UGGT2: variants seen among roughly 807,000 people sequenced by gnomAD.
UGGT2 encodes UDP-glucose glycoprotein glucosyltransferase 2.
In UGGT2, 180 loss-of-function variants were observed where a neutral mutation model predicts 192.1. The observed-to-expected ratio is 0.94, with a 90% confidence interval of 0.83 to 1.06. The LOEUF (loss-of-function observed/expected upper bound fraction) is 1.06. Ranked by LOEUF, UGGT2 falls within the 50% of genes least tolerant of loss-of-function variation. The probability of loss-of-function intolerance (pLI) is 0.00; values close to 1 mark genes in which losing one functional copy is unlikely to be tolerated. For synonymous variants in UGGT2, 580 were observed against 591.0 expected, an observed-to-expected ratio of 0.98 and a Z score of 0.27; for missense variants, 1,849 against 1,795.7, an observed-to-expected ratio of 1.03 and a Z score of -0.54.
At chr13:95,931,723 C>T (rs1282255271) in intron 17 of UGGT2, among the ~76,000 whole-genome samples, 1 of 152,142 alleles carries the variant, frequency 6.6e-6, no homozygotes, top group Non-Finnish European at 1.5e-5. Flanking sequence ...CAGCGCCCGC[C>T]GGCCTGAGTG....
At chr13:95,865,143 T>C (rs1446441731) in intron 30 of UGGT2, among the ~76,000 whole-genome samples, 2 of 152,198 alleles carry the variant, frequency 1.3e-5, no homozygotes, top group Admixed American at 6.6e-5. Context: ...TTGTGGACTC[T>C]TTTGACATGA....
In UGGT2 at chr13:95,874,373, CATT is replaced by C. The variant is rs142961816; in HGVS notation, c.3473+2903_3473+2905del. ...GCACAATACTCTTGCCTTTTGTGGT[CATT>C]ATTAAGTAAAACGAGGGTTACCTGA... On this transcript the variant is annotated intron_variant, in intron 29 of 38. Transcript: ENST00000376747. 5.6e-4 allele frequency among the ~76,000 whole-genome samples: 85 copies of C among 152,186 alleles called. 3 individuals are homozygous for C. In the East Asian group the frequency reaches 0.016, roughly 29 times the overall value.
At chr13:95,987,835 G>GC (rs527595853) in intron 8 of UGGT2, among the ~76,000 whole-genome samples, 84 of 152,110 alleles carry the variant, frequency 5.5e-4, no homozygotes, top group East Asian at 4.5e-3. Context: ...TACTTTGTTT[G>GC]CCCCCCGCAT....
chr13:95,838,524 C>T (rs553858241), intron 36 of UGGT2, among the ~76,000 whole-genome samples: 2 of 152,080 alleles, frequency 1.3e-5, no homozygotes, highest in African/African-American at 4.8e-5. Context: ...AGAGGGCTGA[C>T]ACTACCACAC....
At chr13:95,981,182 T>TTTA (rs1566790173) in intron 10 of UGGT2, among the ~76,000 whole-genome samples, 7,618 of 48,932 alleles carry the variant, frequency 0.16, 3,689 homozygotes, top group South Asian at 0.2. Context: ...ACACTTTTGT[T>TTTA]GGCCGGGCGC....
intron 4 of UGGT2, among the ~76,000 whole-genome samples, chr13:96,019,121 G>GC (rs1491424069): frequency 2.6e-5 from 1 of 38,668 alleles, no homozygotes; most frequent in Non-Finnish European, 5.6e-5. Flanking sequence ...GCCCTACATA[G>GC]CGGGGGGGGG....
intron 15 of UGGT2, among the ~76,000 whole-genome samples, chr13:95,942,306 A>T (rs2049719296): frequency 6.6e-6 from 1 of 150,886 alleles, no homozygotes; most frequent in Non-Finnish European, 1.5e-5. Context: ...TTAACTTCAA[A>T]TAGTGAATTA....
intron 36 of UGGT2, among the ~76,000 whole-genome samples, chr13:95,852,670 CTT>C (rs1299964894): frequency 2.6e-5 from 4 of 152,086 alleles, no homozygotes; most frequent in Admixed American, 6.6e-5. Flanking sequence ...AAAAAAGAGT[CTT>C]TTGCTTCTGC....
intron 29 of UGGT2, among the ~76,000 whole-genome samples, chr13:95,868,694 C>T (rs533106923): frequency 6.6e-6 from 1 of 152,284 alleles, no homozygotes; most frequent in East Asian, 1.9e-4. Context: ...CTTATAGTCA[C>T]AAAACACTAC....
intron 24 of UGGT2, 34 bp downstream of exon 24, chr13:95,894,528 G>A: frequency 6.4e-7 from 1 of 1,562,988 alleles, no homozygotes; most frequent in Non-Finnish European, 8.7e-7. Flanking sequence ...TGCATTAACA[G>A]AAAAATCACA....
chr13:95,833,159 T>C, intron 37 of UGGT2, 106 bp from the exon 38 acceptor site: 2 of 1,289,866 alleles, frequency 1.6e-6, no homozygotes, highest in Non-Finnish European at 2.1e-6. Flanking sequence ...AAAAGCAGAG[T>C]CCTACTAAGT....
chr13:96,018,067 A>G (rs2052393353), intron 4 of UGGT2, among the ~76,000 whole-genome samples: 1 of 152,232 alleles, frequency 6.6e-6, no homozygotes, highest in Non-Finnish European at 1.5e-5. Context: ...TGTTCAACTT[A>G]GAATCATAAC....
At chr13:95,863,306 C>T in intron 31 of UGGT2, 1 of 208,526 alleles carries the variant, frequency 4.8e-6, no homozygotes, top group Non-Finnish European at 9.6e-6. Context: ...ATGTAATTGC[C>T]TTCACTCAAT....
At chr13:95,983,631 G>A (rs1270619880) in intron 10 of UGGT2, 173 bp downstream of exon 10, 2 of 666,438 alleles carry the variant, frequency 3.0e-6, no homozygotes, top group South Asian at 3.0e-5. Context: ...AGAAAAGATT[G>A]GCTGATTAAA....
At chr13:95,907,864 C>A (rs1357322575) in intron 20 of UGGT2, among the ~76,000 whole-genome samples, 1 of 152,152 alleles carries the variant, frequency 6.6e-6, no homozygotes, top group African/African-American at 2.4e-5. Flanking sequence ...CAGCTCCTCG[C>A]CAGCAACAGA....
At position 95,928,561 on chromosome 13, in the gene UGGT2, C is replaced by T. The variant is rs751281961; in HGVS notation, c.1978-1225G>A. On this transcript the variant is annotated intron_variant, in intron 17 of 38. Transcript: ENST00000376747. ...ACACTCCTCAGTTCCCAGACGGGGT[C>T]GCGGCGGGGCAGAGGTGCTCTTCAC... is the stretch of plus-strand genomic sequence containing the variant. Among the ~76,000 whole-genome samples, 177 of 148,000 alleles carry T rather than the reference C, an allele frequency of 1.2e-3. 2 individuals carry two copies. The highest frequency in any genetic ancestry group is 1.2e-3 in the East Asian group (6 of 4,958).
chr13:95,924,764 T>C (rs574463583), intron 20 of UGGT2, among the ~76,000 whole-genome samples: 11 of 152,122 alleles, frequency 7.2e-5, no homozygotes, highest in African/African-American at 2.4e-4. Flanking sequence ...CAAAAACAGG[T>C]CTATGTGGCA....
At position 95,902,841 on chromosome 13, in the gene UGGT2, A is replaced by T; in HGVS notation, c.2502+13T>A. 2 of 1,605,812 alleles carry T rather than the reference A, an allele frequency of 1.2e-6. No individual in the cohort carries two copies. The highest frequency in any genetic ancestry group is 1.1e-5 in the South Asian group (1 of 89,596). ...CAATACATACATATTTAATATTTCAAATAGCTACTGACCTCAATAAGGAAT... is the reference window on the plus strand; with the variant it reads ...CAATACATACATATTTAATATTTCATATAGCTACTGACCTCAATAAGGAAT... On this transcript the variant is annotated intron_variant, in intron 21 of 38. Transcript: ENST00000376747.
intron 36 of UGGT2, among the ~76,000 whole-genome samples, chr13:95,848,398 T>C (rs1888693234): frequency 1.3e-5 from 2 of 152,218 alleles, no homozygotes; most frequent in Admixed American, 1.3e-4. Context: ...GGTTTTCTCC[T>C]ATATTGTCTT....
Sources: allele counts gnomAD v4.1 joint callset (sites outside exome capture counted in the v4.1 genomes callset), GRCh38; gene constraint gnomAD v4.1.1; transcripts MANE v1.5; gene names NCBI Gene and HGNC (gene_info 2026-07-23, HGNC 2026-07-21).